Variants in CISD2 observed in about 807,000 individuals in gnomAD.
The protein encoded by CISD2 is CDGSH iron-sulfur domain-containing protein 2.
CISD2 carries 1 observed loss-of-function variant against 12.9 expected under a neutral mutation model. That is an observed-to-expected ratio of 0.08 (90% CI 0.03 to 0.37). The LOEUF (loss-of-function observed/expected upper bound fraction) is 0.37. Among genes scored for constraint, CISD2 ranks in the 10% least tolerant of loss-of-function variants. The pLI is 0.99. For synonymous variants in CISD2, 50 were observed against 60.6 expected (o/e 0.83, Z 0.81); for missense variants, 97 against 163.1 (o/e 0.59, Z 2.21).
At chr4:102,873,926 A>G (rs896293726) in intron 1 of CISD2, among the ~76,000 whole-genome samples, 1 of 151,842 alleles carries the variant, frequency 6.6e-6, no homozygotes, top group Non-Finnish European at 1.5e-5. Context: ...GGGAGTACGA[A>G]ACTAGCCTGG....
chr4:102,870,188 G>A (rs1560900425), intron 1 of CISD2, among the ~76,000 whole-genome samples: 1 of 152,206 alleles, frequency 6.6e-6, no homozygotes, highest in Admixed American at 6.5e-5. Context: ...CTAAAATACA[G>A]CAATCGCACA....
Position 102,874,629 on chromosome 4 carries a change from A to G in CISD2, c.103+5442A>G, listed in dbSNP as rs924545884. On this transcript the variant is annotated intron_variant, in intron 1 of 2. Coordinates refer to ENST00000273986, the MANE Select transcript of CISD2 (RefSeq NM_001008388.5). ...CCCTCAGATCCTCCAGAAAGAATCA[A>G]CCATGCTGACACCTTGATTTTGGAC... 5.3e-5 allele frequency: 8 copies of G among 152,320 alleles called. No homozygotes were observed. In the South Asian group the frequency reaches 1.5e-3, roughly 28 times the overall value. 9.4% of individuals were successfully genotyped at this position (152,320 alleles called of 1,614,324 possible).
intron 1 of CISD2, among the ~76,000 whole-genome samples, chr4:102,880,687 AAT>A (rs1733695296): frequency 2.6e-5 from 4 of 151,536 alleles, no homozygotes; most frequent in African/African-American, 7.3e-5. Context: ...TTAAAAAAAA[AAT>A]ATATTTTAAA....
chr4:102,884,398 T>C (rs1578314563), intron 1 of CISD2, among the ~76,000 whole-genome samples: 1 of 152,238 alleles, frequency 6.6e-6, no homozygotes, highest in East Asian at 1.9e-4. Flanking sequence ...CCTAGCAAGG[T>C]ATCAGATTCG....
At chr4:102,879,664 C>T (rs1306883934) in intron 1 of CISD2, among the ~76,000 whole-genome samples, 8 of 152,016 alleles carry the variant, frequency 5.3e-5, no homozygotes, top group African/African-American at 1.9e-4. Flanking sequence ...CCTAGTGACT[C>T]AGAAGGCTGA....
In CISD2 at chr4:102,890,354, G is replaced by A. The variant is rs1465331111; in HGVS notation, c.*2924G>A. 1 of 152,176 alleles carries A rather than the reference G, an allele frequency of 6.6e-6. No homozygotes were observed. The highest frequency in any genetic ancestry group is 1.5e-5 in the Non-Finnish European group (1 of 68,034). The allele number at this position is 152,176 out of a possible 1,614,324, so 9.4% of individuals were successfully genotyped here. On this transcript the variant is annotated 3_prime_UTR_variant, in exon 3 of 3. Coordinates refer to ENST00000273986, the MANE Select transcript of CISD2 (RefSeq NM_001008388.5). ...CAATAGAAATGTGCTGTCAGAATCT[G>A]TATAGAGAGTTTGTAAATGCCACTA...
chr4:102,872,480 A>C (rs1233722479), intron 1 of CISD2, among the ~76,000 whole-genome samples: 2 of 152,220 alleles, frequency 1.3e-5, no homozygotes, highest in Non-Finnish European at 2.9e-5. Context: ...ATGATAAATG[A>C]GAAAATATGT....
intron 1 of CISD2, among the ~76,000 whole-genome samples, chr4:102,879,786 A>AAACG (rs1733673275): frequency 6.6e-6 from 1 of 152,096 alleles, no homozygotes; most frequent in Non-Finnish European, 1.5e-5. Context: ...ACAAACAAAC[A>AAACG]AAAAGCACAA....
At chr4:102,883,710 T>A (rs542523738) in intron 1 of CISD2, among the ~76,000 whole-genome samples, 1 of 152,374 alleles carries the variant, frequency 6.6e-6, no homozygotes, top group Non-Finnish European at 1.5e-5. Flanking sequence ...ACTTTGGTTA[T>A]GAGAATGTAA....
chr4:102,874,530 GGGA>G (rs1733546143), intron 1 of CISD2: 1 of 152,092 alleles, frequency 6.6e-6, no homozygotes, highest in South Asian at 2.1e-4. Flanking sequence ...CACACACAAA[GGGA>G]GAACACCATG....
chr4:102,879,037 G>A (rs223322), intron 1 of CISD2, among the ~76,000 whole-genome samples: 60,598 of 151,958 alleles, frequency 0.4, 12,575 homozygotes, highest in African/African-American at 0.53. Context: ...AGGCAGGAGA[G>A]AAGAGTGAAG....
At chr4:102,885,484 G>T in intron 2 of CISD2, 54 bp downstream of exon 2, 1 of 1,371,932 alleles carries the variant, frequency 7.3e-7, no homozygotes, top group Non-Finnish European at 1.0e-6. Context: ...GGATTGTTTC[G>T]CCTCTTAAAT....
chr4:102,880,523 C>CA (rs1447968245), intron 1 of CISD2, among the ~76,000 whole-genome samples: 1 of 151,566 alleles, frequency 6.6e-6, no homozygotes, highest in East Asian at 1.9e-4. Flanking sequence ...TTATTTTATA[C>CA]AAAAATTTGC....
At chr4:102,879,943 A>AT (rs1025532202) in intron 1 of CISD2, among the ~76,000 whole-genome samples, 16 of 151,638 alleles carry the variant, frequency 1.1e-4, no homozygotes, top group Non-Finnish European at 1.8e-4. Context: ...TTTATTTTTT[A>AT]TTTTTTTTAT....
intron 2 of CISD2, among the ~76,000 whole-genome samples, chr4:102,886,563 TGTG>T (rs2110402335): frequency 6.6e-6 from 1 of 152,138 alleles, no homozygotes; most frequent in South Asian, 2.1e-4. Context: ...ATTATTATTA[TGTG>T]TATCTGGATG....
In CISD2 at chr4:102,890,032, C is replaced by G. The variant is rs1734158637; in HGVS notation, c.*2602C>G. 1 of 152,210 alleles carries G rather than the reference C, an allele frequency of 6.6e-6. No individual in the cohort carries two copies. The highest frequency in any genetic ancestry group is 2.4e-5 in the African/African-American group (1 of 41,452). 9.4% of individuals were successfully genotyped at this position (152,210 alleles called of 1,614,324 possible). A position where few individuals can be genotyped will look rare whatever the true frequency, so the allele number is the denominator to read the frequency against. ...CTGCTTCTGCTTACCTAGGAAACTA[C>G]TCATGCCTTACTCAGCAAATGAACA... On this transcript the variant is annotated 3_prime_UTR_variant, in exon 3 of 3. Transcript: ENST00000273986.
At chr4:102,870,751 CT>C (rs1404780073) in intron 1 of CISD2, among the ~76,000 whole-genome samples, 1 of 152,282 alleles carries the variant, frequency 6.6e-6, no homozygotes, top group East Asian at 1.9e-4. Context: ...TTCCCCACTT[CT>C]TTTACTTAAG....
chr4:102,869,591 G>A, intron 1 of CISD2: 1 of 695,298 alleles, frequency 1.4e-6, no homozygotes, highest in Non-Finnish European at 2.6e-6. Context: ...CCAGCTACCG[G>A]CTGGGTTGTA....
intron 1 of CISD2, among the ~76,000 whole-genome samples, chr4:102,870,750 TCTTTTA>T (rs1485574412): frequency 2.6e-5 from 4 of 152,192 alleles, no homozygotes; most frequent in African/African-American, 7.2e-5. Context: ...TTTCCCCACT[TCTTTTA>T]CTTAAGTACT....
Sources: gnomAD v4.1 joint callset for allele counts (sites outside exome capture counted in the v4.1 genomes callset) on GRCh38, gnomAD v4.1.1 for gene constraint, MANE v1.5 for transcripts, NCBI Gene and HGNC (gene_info 2026-07-23, HGNC 2026-07-21) for gene names.